The following ITSN2 variants were observed in gnomAD, a reference collection of about 807,000 sequenced individuals.
ITSN2 encodes intersectin-2.
Under a neutral mutation model 243.7 loss-of-function variants are expected in ITSN2, and 156 were observed. The observed-to-expected ratio is 0.64, with a 90% CI of 0.56 to 0.73. The LOEUF (loss-of-function observed/expected upper bound fraction) is 0.73, where lower values mean the gene tolerates loss of function less well. Ranked by LOEUF, ITSN2 falls within the 30% of genes least tolerant of loss-of-function variation. The pLI is 0.00. For synonymous variants in ITSN2, 703 were observed against 699.9 expected (o/e 1.00, Z -0.07); for missense variants, 1,801 against 1,996.1 (o/e 0.90, Z 1.86).
At position 24,210,960 on chromosome 2, in the gene ITSN2, G is replaced by A. The variant is rs1488960856; in HGVS notation, c.4090-13C>T. ...TGTTCTCCAGAATCTGGAAAAGAGT[G>A]GGCAGTGTCACATGGGGGAGCTGCG... On this transcript the variant is annotated splice_polypyrimidine_tract_variant and intron_variant, in intron 33 of 39. Transcript: ENST00000355123. 3 of 1,613,388 alleles carry A rather than the reference G, an allele frequency of 1.9e-6. No individual in the cohort carries two copies. The highest frequency in any genetic ancestry group is 2.5e-6 in the Non-Finnish European group (3 of 1,179,506).
chr2:24,270,642 C>T, intron 20 of ITSN2, 29 bp downstream of exon 20: 1 of 1,074,920 alleles, frequency 9.3e-7, no homozygotes, highest in Non-Finnish European at 1.4e-6. Context: ...TTAGGTTATT[C>T]ATGATTAAAA....
intron 2 of ITSN2, among the ~76,000 whole-genome samples, chr2:24,325,940 C>T (rs971211662): frequency 6.6e-6 from 1 of 151,814 alleles, no homozygotes; most frequent in African/African-American, 2.4e-5. Context: ...CACACACACA[C>T]ATACACACAC....
At position 24,261,185 on chromosome 2, in the gene ITSN2, G is replaced by A; in HGVS notation, c.2603C>T (p.Thr868Ile). 1 of 1,613,044 alleles carries A rather than the reference G, an allele frequency of 6.2e-7. No individual in the cohort carries two copies. The highest frequency in any genetic ancestry group is 8.5e-7 in the Non-Finnish European group (1 of 1,179,074). ...TTTTTTCTGCCATGATGTATTTACA[G>A]TTAGGTTTGAAAAAGATACATTTTG... is the stretch of plus-strand genomic sequence containing the variant. ...DYQNVSFSNL[T>I]VNTSWQKKSA... Residue 868 changes from threonine (T) to isoleucine (I), a missense_variant, in exon 22 of 40, where the codon ACT (threonine) becomes ATT (isoleucine). Around this residue, in one of 5 missense-constraint regions of ITSN2, gnomAD observed 928 missense variants for 1,065.4 expected, o/e 0.87. Transcript: ENST00000355123.
intron 1 of ITSN2, among the ~76,000 whole-genome samples, chr2:24,339,462 C>T (rs548726216): frequency 9.1e-5 from 13 of 143,476 alleles, no homozygotes; most frequent in South Asian, 2.2e-4. Context: ...CAGAGTGAGA[C>T]GCCGTCTCAA....
chr2:24,271,181 C>T (rs994867830), intron 19 of ITSN2, among the ~76,000 whole-genome samples: 2 of 152,116 alleles, frequency 1.3e-5, no homozygotes, highest in African/African-American at 4.8e-5. Context: ...AGCAAGTTAA[C>T]AGGGATGGCT....
intron 29 of ITSN2, among the ~76,000 whole-genome samples, chr2:24,236,867 T>A (rs560639653): frequency 1.3e-4 from 20 of 148,212 alleles, no homozygotes; most frequent in East Asian, 3.9e-4. Flanking sequence ...TTTTATTTTT[T>A]ATTTTTTTTT....
At chr2:24,323,025 C>T (rs904071722) in intron 2 of ITSN2, among the ~76,000 whole-genome samples, 16 of 151,660 alleles carry the variant, frequency 1.1e-4, no homozygotes, top group African/African-American at 3.9e-4. Context: ...CACTGCATGT[C>T]TATTAGCATG....
chr2:24,273,408 G>A (rs4665681), intron 18 of ITSN2, among the ~76,000 whole-genome samples: 148,092 of 152,310 alleles, frequency 0.97, 71,990 homozygotes, highest in East Asian at 0.99. Context: ...GTAACTTTCC[G>A]GGACACTTTT....
At chr2:24,228,504 G>A (rs1054235420) in intron 29 of ITSN2, among the ~76,000 whole-genome samples, 18 of 152,262 alleles carry the variant, frequency 1.2e-4, no homozygotes, top group Admixed American at 4.6e-4. Flanking sequence ...ACAAGGTGAA[G>A]TTAAAACACA....
At chr2:24,239,759 T>C (rs1380788616) in intron 29 of ITSN2, 2 of 152,120 alleles carry the variant, frequency 1.3e-5, no homozygotes, top group East Asian at 1.9e-4. Context: ...GAATGAGGTA[T>C]TGCAAAAGAC....
chr2:24,310,913 A>G (rs975087135), intron 5 of ITSN2, among the ~76,000 whole-genome samples: 1 of 152,152 alleles, frequency 6.6e-6, no homozygotes. Flanking sequence ...ACACCTAGCA[A>G]AGAGTTAAAT....
chr2:24,295,582 T>G, intron 14 of ITSN2, 82 bp downstream of exon 14: 1 of 1,133,302 alleles, frequency 8.8e-7, no homozygotes, highest in Non-Finnish European at 1.2e-6. Context: ...GTGCTAGCAT[T>G]ACAGCCGTGA....
intron 1 of ITSN2, among the ~76,000 whole-genome samples, chr2:24,335,440 C>T (rs1252064707): frequency 1.3e-5 from 2 of 152,162 alleles, no homozygotes; most frequent in Non-Finnish European, 2.9e-5. Context: ...TTGAGCAATC[C>T]GCCCACCTCA....
At chr2:24,330,469 G>T (rs1348278143) in intron 1 of ITSN2, 1 of 658,854 alleles carries the variant, frequency 1.5e-6, no homozygotes, top group Non-Finnish European at 2.9e-6. Flanking sequence ...GAACCACAGA[G>T]AAGACCCATG....
chr2:24,342,402 T>C (rs539631366), intron 1 of ITSN2, among the ~76,000 whole-genome samples: 2 of 151,504 alleles, frequency 1.3e-5, no homozygotes, highest in African/African-American at 2.4e-5. Flanking sequence ...TCTCCCTATG[T>C]TGCCCAGGCT....
intron 1 of ITSN2, chr2:24,330,483 T>C: frequency 1.5e-6 from 1 of 673,834 alleles, no homozygotes; most frequent in South Asian, 1.4e-5. Flanking sequence ...ACCCATGAGG[T>C]TGTCTGCTAA....
At chr2:24,207,287 C>T (rs773297811) in intron 37 of ITSN2, among the ~76,000 whole-genome samples, 14 of 151,860 alleles carry the variant, frequency 9.2e-5, no homozygotes, top group Non-Finnish European at 1.6e-4. Context: ...GGGAAAGTGG[C>T]GAGGGAGGAG....
At chr2:24,329,345 C>A (rs896317296) in intron 1 of ITSN2, among the ~76,000 whole-genome samples, 2 of 152,134 alleles carry the variant, frequency 1.3e-5, no homozygotes, top group African/African-American at 4.8e-5. Context: ...ACTGCAACCT[C>A]ACCTCCCGGG....
intron 37 of ITSN2, 161 bp from the exon 38 acceptor site, chr2:24,205,458 T>C (rs1386494146): frequency 1.7e-6 from 1 of 596,560 alleles, no homozygotes; most frequent in Non-Finnish European, 3.0e-6. Flanking sequence ...CCAGGCTGTG[T>C]TGCCTGCTAG....
Sources: gnomAD v4.1 joint callset for allele counts (sites outside exome capture counted in the v4.1 genomes callset) on GRCh38, gnomAD v4.1.1 for gene constraint, gnomAD v4.1.1 regional missense constraint, MANE v1.5 for transcripts, NCBI Gene and HGNC (gene_info 2026-07-23, HGNC 2026-07-21) for gene names.